Variants in GOLGA3 observed in about 807,000 individuals in gnomAD.
The protein encoded by GOLGA3 is golgin subfamily A member 3.
In GOLGA3, 75 loss-of-function variants were observed where a neutral mutation model predicts 169.4. That is an observed-to-expected ratio of 0.44 (90% confidence interval 0.37 to 0.54). The LOEUF (loss-of-function observed/expected upper bound fraction) is 0.54. Ranked by LOEUF, GOLGA3 falls within the 20% of genes least tolerant of loss-of-function variation. GOLGA3 has a pLI of 0.00. For missense variants in GOLGA3, 1,899 were observed against 1,930.0 expected (o/e 0.98, Z 0.30); for synonymous variants, 824 against 822.4 (o/e 1.00, Z -0.03).
At chr12:132,798,765 AGGCATCTCTGAGCCCCTGT>A (rs1566106914) in intron 8 of GOLGA3, among the ~76,000 whole-genome samples, 1 of 152,234 alleles carries the variant, frequency 6.6e-6, no homozygotes, top group Non-Finnish European at 1.5e-5. Flanking sequence ...CCCATTGACA[AGGCATCTCTGAGCCCCTGT>A]GGGTGAGGAG....
chr12:132,809,219 T>TTAC (rs1265751255), intron 4 of GOLGA3, among the ~76,000 whole-genome samples: 1 of 152,178 alleles, frequency 6.6e-6, no homozygotes, highest in African/African-American at 2.4e-5. Flanking sequence ...TTTCACTAAT[T>TTAC]TACTACTGCT....
At chr12:132,780,418 GAA>G (rs140330687) in intron 18 of GOLGA3, among the ~76,000 whole-genome samples, 1,789 of 152,310 alleles carry the variant, frequency 0.012, 24 homozygotes, top group African/African-American at 0.039. Context: ...GGCCAGCCAC[GAA>G]AAGACAGCTC....
chr12:132,822,097 AG>A lies in GOLGA3; in HGVS notation c.31del (p.Leu11SerfsTer18). 6.2e-7 allele frequency: 1 copy of A among 1,608,428 alleles called. No individual in the cohort carries two copies. Among genetic ancestry groups the A allele is most frequent in the South Asian group, 1.1e-5 (1 of 90,540 alleles). On this transcript the variant is annotated frameshift_variant, in exon 2 of 24. Transcript: ENST00000450791. LOFTEE classifies it high-confidence loss of function. Reference protein sequence around the residue: MDGASAEQDGLQEDRSHSGPS... With the variant: MDGASAEQDGXQEDRSHSGPS... ...GCCACTGTGGGATCTGTCCTCCTGGAGGCCATCTTGCTCGGCCGACGCGCCG... is the reference window on the plus strand; with the variant it reads ...GCCACTGTGGGATCTGTCCTCCTGGAGCCATCTTGCTCGGCCGACGCGCCG...
rs769118739 is a variant in GOLGA3 at position 132,796,566 on chromosome 12, C to T, written c.2073G>A (p.Ala691=). 58 of 1,612,266 alleles carry T rather than the reference C, an allele frequency of 3.6e-5. No individual in the cohort carries two copies. Among genetic ancestry groups the T allele is most frequent in the South Asian group, 1.1e-4 (10 of 91,072 alleles). Residue 691 remains alanine, a synonymous_variant, in exon 10 of 24, where the codon GCG becomes GCA. Coordinates refer to ENST00000450791, the MANE Select transcript of GOLGA3 (RefSeq NM_001389683.1). ...RERLQRMADS[A]ASLEQQLEQV... is the part of the protein sequence containing the mutation. ...GCTCCAGCTGCTGCTCCAGGGATGC[C>T]GCCGAGTCCGCCATCCTCTGCAGCC...
At chr12:132,807,865 C>CCGCCCACCT (rs2136608298) in intron 5 of GOLGA3, 26 bp downstream of exon 5, 1 of 1,357,152 alleles carries the variant, frequency 7.4e-7, no homozygotes, top group Admixed American at 2.3e-5. Context: ...TCCACCCACC[C>CCGCCCACCT]CGCCCACCTC....
At chr12:132,812,915 G>A (rs571499411) in intron 4 of GOLGA3, among the ~76,000 whole-genome samples, 7 of 152,294 alleles carry the variant, frequency 4.6e-5, no homozygotes, top group South Asian at 2.1e-4. Flanking sequence ...TCAGATGATC[G>A]TTAGCATTTT....
intron 2 of GOLGA3, 110 bp from the exon 3 acceptor site, chr12:132,816,922 G>T: frequency 2.0e-6 from 2 of 990,856 alleles, no homozygotes; most frequent in Non-Finnish European, 2.9e-6. Flanking sequence ...CATGAGCACG[G>T]CACTTTCTCA....
At chr12:132,774,817 G>C in intron 22 of GOLGA3, 1 of 473,392 alleles carries the variant, frequency 2.1e-6, no homozygotes, top group East Asian at 3.4e-5. Context: ...AAACCGCCGG[G>C]CGCCTGGGCA....
intron 2 of GOLGA3, among the ~76,000 whole-genome samples, chr12:132,820,342 A>T (rs1950156444): frequency 6.6e-6 from 1 of 152,192 alleles, no homozygotes; most frequent in South Asian, 2.1e-4. Flanking sequence ...CTGACTCTAA[A>T]AACAGTAATA....
At position 132,807,243 on chromosome 12, in the gene GOLGA3, C is replaced by A; in HGVS notation, c.1224G>T (p.Leu408=). 6.2e-7 allele frequency: 1 copy of A among 1,600,274 alleles called. No homozygotes were observed. Among genetic ancestry groups the A allele is most frequent in the Non-Finnish European group, 8.5e-7 (1 of 1,172,404 alleles). ...GTCGCATTTTCTCTTTGAGCACCTGCAGCATCTCCTCCTGTGTTTCTGCTG... is the reference window on the plus strand; with the variant it reads ...GTCGCATTTTCTCTTTGAGCACCTGAAGCATCTCCTCCTGTGTTTCTGCTG... The part of the protein sequence containing the change: ...SSAAETQEEM[L]QVLKEKMRLE... The change falls in exon 6 of 24, where the codon CTG becomes CTT. Residue 408 remains leucine (L), a synonymous_variant. Transcript: ENST00000450791.
rs779987629 is a variant in GOLGA3, at chr12:132,815,529, CAT to C, written c.406+1009_406+1010del. The stretch of plus-strand genomic sequence containing the variant: ...TTTTCAGAATTGTTTCAAATAAACA[CAT>C]GTGAAATGCAGTCTGATTTCAGTAA... On this transcript the variant is annotated intron_variant, in intron 3 of 23. Coordinates refer to ENST00000450791, the MANE Select transcript of GOLGA3 (RefSeq NM_001389683.1). 3.3e-5 allele frequency among the ~76,000 whole-genome samples: 5 copies of C among 152,230 alleles called. No homozygotes were observed. The East Asian group carries it at 9.6e-4, about 29-fold the overall frequency.
intron 21 of GOLGA3, 126 bp from the exon 22 acceptor site, chr12:132,775,431 TC>T: frequency 1.3e-6 from 1 of 772,134 alleles, no homozygotes; most frequent in Non-Finnish European, 2.0e-6. Context: ...ATGATGCCAG[TC>T]CAGGTCCAAA....
Position 132,804,991 on chromosome 12 carries a change from T to C in GOLGA3, c.1322A>G (p.Gln441Arg). 1 of 1,611,544 alleles carries C rather than the reference T, an allele frequency of 6.2e-7. No homozygotes were observed. Among genetic ancestry groups the C allele is most frequent in the South Asian group, 1.1e-5 (1 of 91,054 alleles). Residue 441 changes from glutamine (Q) to arginine (R), a missense_variant, in exon 7 of 24, where the codon CAG becomes CGG. Coordinates refer to ENST00000450791, the MANE Select transcript of GOLGA3 (RefSeq NM_001389683.1). The surrounding 1 kb of genome is among the most constrained non-coding windows in gnomAD (Gnocchi z 4.1). ...CAGCTTCGTGCTGAGGGCGGCCAGCTGGGCCTGCAGCTCAGCCTTCTCTTT... is the reference window on the plus strand; with the variant it reads ...CAGCTTCGTGCTGAGGGCGGCCAGCCGGGCCTGCAGCTCAGCCTTCTCTTT... ...ALKEKAELQA[Q>R]LAALSTKLQA...
At chr12:132,801,248 C>T (rs929102614) in intron 8 of GOLGA3, among the ~76,000 whole-genome samples, 5 of 152,186 alleles carry the variant, frequency 3.3e-5, no homozygotes, top group African/African-American at 9.6e-5. Context: ...AAATGCAAGG[C>T]CTGCTGGGAA....
chr12:132,787,934 C>T (rs1445017023), intron 13 of GOLGA3, among the ~76,000 whole-genome samples: 1 of 152,044 alleles, frequency 6.6e-6, no homozygotes, highest in Admixed American at 6.5e-5. Context: ...CCCGGATGCC[C>T]TCCTCAGGAT....
chr12:132,779,929 CAA>C (rs2045479179), intron 18 of GOLGA3, among the ~76,000 whole-genome samples: 2 of 134,278 alleles, frequency 1.5e-5, no homozygotes, highest in Admixed American at 1.7e-4. Context: ...CGCATGCACA[CAA>C]CCCAGGCACA....
rs12282 is a variant in GOLGA3, at chr12:132,769,223, C to G, written c.*3882G>C. 6.6e-6 allele frequency: 1 copy of G among 151,778 alleles called. No homozygotes were observed. The highest frequency in any genetic ancestry group is 2.0e-4 in the East Asian group (1 of 5,058). 9.4% of individuals were successfully genotyped at this position (151,778 alleles called of 1,614,324 possible). On this transcript the variant is annotated 3_prime_UTR_variant, in exon 24 of 24. Coordinates refer to ENST00000450791, the MANE Select transcript of GOLGA3 (RefSeq NM_001389683.1). The stretch of plus-strand genomic sequence containing the variant: ...GAGCTCAGAACACCTCACACCACAG[C>G]GTCACTCAACTCAAGTCCCTCCTCA...
At position 132,776,772 on chromosome 12, in the gene GOLGA3, T is replaced by C. The variant is rs765758582; in HGVS notation, c.3856-16A>G. 4.0e-5 allele frequency: 65 copies of C among 1,613,238 alleles called. No individual in the cohort carries two copies. The highest frequency in any genetic ancestry group is 1.4e-5 in the Non-Finnish European group (16 of 1,179,642). On this transcript the variant is annotated splice_polypyrimidine_tract_variant and intron_variant, in intron 20 of 23. Transcript: ENST00000450791. ...GATTTTCCATCTAAAGAGGGGAAAGTCACATGGCCAAAAGAATATTAAAGT... is the reference window on the plus strand; with the variant it reads ...GATTTTCCATCTAAAGAGGGGAAAGCCACATGGCCAAAAGAATATTAAAGT...
At chr12:132,794,442 C>A (rs534907063) in intron 11 of GOLGA3, among the ~76,000 whole-genome samples, 10 of 152,182 alleles carry the variant, frequency 6.6e-5, no homozygotes, top group African/African-American at 2.4e-4. Context: ...GTCTCCCAGT[C>A]GGCTGACTAT....
Sources: gnomAD v4.1 joint callset for allele counts (sites outside exome capture counted in the v4.1 genomes callset) on GRCh38, gnomAD v4.1.1 for gene constraint, Gnocchi (gnomAD v3.1) non-coding constraint, MANE v1.5 for transcripts, NCBI Gene and HGNC (gene_info 2026-07-23, HGNC 2026-07-21) for gene names.